ARID5A: variants seen among roughly 807,000 people sequenced by gnomAD.
ARID5A encodes AT-rich interactive domain-containing protein 5A.
Under a neutral mutation model 30.5 loss-of-function variants are expected in ARID5A, and 14 were observed. The observed-to-expected ratio is 0.46, with a 90% CI of 0.30 to 0.72. ARID5A has a LOEUF of 0.72. Among genes scored for constraint, ARID5A ranks in the 30% least tolerant of loss-of-function variants. The pLI is 0.07. For missense variants in ARID5A, 669 were observed against 786.2 expected (o/e 0.85, Z 1.78); for synonymous variants, 338 against 340.4 (o/e 0.99, Z 0.08).
rs1312555205 is a variant in ARID5A, at chr2:96,550,540, G to A, written c.411-34G>A. The A allele has an allele frequency of 6.4e-7, 1 of 1,564,492 alleles. No individual in the cohort carries two copies. Among genetic ancestry groups the A allele is most frequent in the Non-Finnish European group, 8.7e-7 (1 of 1,154,916 alleles). On this transcript the variant is annotated intron_variant, in intron 5 of 6. Coordinates refer to ENST00000357485, the MANE Select transcript of ARID5A (RefSeq NM_212481.3). This position sits in a 1 kb window ranked among gnomAD's most constrained non-coding sequence, Gnocchi z 6.6. ...GAGGCCCAGGGAGGGGATGGGCGCC[G>A]GCCTCCTGGGGGACATGCGTGGTTC...
chr2:96,550,328 C>CG lies in ARID5A; in HGVS notation c.410+47dup. ...CGGGTGCTGGACGCCGCCTACCCTG[C>CG]GGGGCTTTGGCCGACCTTGCCGGGA... On this transcript the variant is annotated intron_variant, in intron 5 of 6. Coordinates refer to ENST00000357485, the MANE Select transcript of ARID5A (RefSeq NM_212481.3). This position sits in a 1 kb window ranked among gnomAD's most constrained non-coding sequence, Gnocchi z 6.6. 7.0e-7 allele frequency: 1 copy of CG among 1,425,198 alleles called. No homozygotes were observed. The highest frequency in any genetic ancestry group is 9.1e-7 in the Non-Finnish European group (1 of 1,097,354). 88.3% of individuals were successfully genotyped at this position (1,425,198 alleles called of 1,614,324 possible).
rs1286743957 is a variant in ARID5A, at chr2:96,549,745, TC to T, written c.260-3del. 2.5e-6 allele frequency: 4 copies of T among 1,613,532 alleles called. No individual in the cohort carries two copies. The highest frequency in any genetic ancestry group is 8.5e-7 in the Non-Finnish European group (1 of 1,179,900). On this transcript the variant is annotated splice_region_variant and splice_polypyrimidine_tract_variant and intron_variant, in intron 3 of 6. Coordinates refer to ENST00000357485, the MANE Select transcript of ARID5A (RefSeq NM_212481.3). This position sits in a 1 kb window ranked among gnomAD's most constrained non-coding sequence, Gnocchi z 6.1. ...GACTGACGGCCAGCCTGCTCTTCTC[TC>T]CCCCAGTTAACCTGTGGAAGATCTA...
chr2:96,537,491 C>T lies in ARID5A; in HGVS notation c.4+661C>T, dbSNP rs1440598179. 1 of 152,488 alleles carries T rather than the reference C, an allele frequency of 6.6e-6. No individual in the cohort carries two copies. Among genetic ancestry groups the T allele is most frequent in the African/African-American group, 2.4e-5 (1 of 41,480 alleles). The allele number at this position is 152,488 out of a possible 1,614,324, so 9.4% of individuals were successfully genotyped here. ...GCCCCTTCCTTCTCTTCCCTTTTCTCTTTTCCTCTCCTGTCTCTCCGCCCA... is the reference window on the plus strand; with the variant it reads ...GCCCCTTCCTTCTCTTCCCTTTTCTTTTTTCCTCTCCTGTCTCTCCGCCCA... On this transcript the variant is annotated intron_variant, in intron 1 of 6. Coordinates refer to ENST00000357485, the MANE Select transcript of ARID5A (RefSeq NM_212481.3). This position sits in a 1 kb window ranked among gnomAD's most constrained non-coding sequence, Gnocchi z 4.8.
rs1558622184 is a variant in ARID5A at position 96,551,612 on chromosome 2, T to G, written c.1084T>G (p.Phe362Val). The change falls in exon 7 of 7, where the codon TTC (phenylalanine) becomes GTC (valine). Residue 362 changes from phenylalanine (F) to valine (V), a missense_variant. Transcript: ENST00000357485. ...GCCTGTCAGCCAGCACCCCAGGGAC[T>G]TCTTCTCTAGACTTAAAGATGGGGT... Reference protein sequence around the residue: ...LKPVSQHPRDFFSRLKDGVLL... With the variant: ...LKPVSQHPRDVFSRLKDGVLL... 6.4e-7 allele frequency: 1 copy of G among 1,555,352 alleles called. No homozygotes were observed. Among genetic ancestry groups the G allele is most frequent in the East Asian group, 2.3e-5 (1 of 44,436 alleles).
At position 96,551,396 on chromosome 2, in the gene ARID5A, C is replaced by A. The variant is rs1477280422; in HGVS notation, c.868C>A (p.Pro290Thr). The change falls in exon 7 of 7, where the codon CCA becomes ACA. Residue 290 changes from proline (P) to threonine (T), a missense_variant. Physicochemically the swap from Pro to Thr is conservative, Grantham distance 38. Coordinates refer to ENST00000357485, the MANE Select transcript of ARID5A (RefSeq NM_212481.3). ...CCATGGGGCAGAGCCCCAGGCGTCC[C>A]CAGCTGTTCACCTCCCAGAGAGTCC... ...CRHGAEPQASPAVHLPESPQS... is the reference protein window; with the variant it reads ...CRHGAEPQASTAVHLPESPQS... The A allele has an allele frequency of 1.9e-6, 3 of 1,609,086 alleles. No individual in the cohort carries two copies. The highest frequency in any genetic ancestry group is 2.5e-6 in the Non-Finnish European group (3 of 1,178,466).
At chr2:96,546,808 C>CTACT (rs139246073) in intron 1 of ARID5A, among the ~76,000 whole-genome samples, 2,683 of 152,312 alleles carry the variant, frequency 0.018, 88 homozygotes, top group African/African-American at 0.061. Flanking sequence ...CCCAGAGGAA[C>CTACT]TACTACCCAG....
chr2:96,550,347 G>A lies in ARID5A; in HGVS notation c.410+62G>A. ...ACCCTGCGGGGCTTTGGCCGACCTT[G>A]CCGGGAGGGCCGGGTGGACTCTGCC... On this transcript the variant is annotated intron_variant, in intron 5 of 6. Transcript: ENST00000357485. The surrounding 1 kb of genome is among the most constrained non-coding windows in gnomAD (Gnocchi z 6.6). The A allele has an allele frequency of 7.0e-7, 1 of 1,423,700 alleles. No individual in the cohort carries two copies. Among genetic ancestry groups the A allele is most frequent in the South Asian group, 1.5e-5 (1 of 66,266 alleles). The allele number at this position is 1,423,700 out of a possible 1,614,324, so 88.2% of individuals were successfully genotyped here. A position where few individuals can be genotyped will look rare whatever the true frequency, so the allele number is the denominator to read the frequency against.
At position 96,550,896 on chromosome 2, in the gene ARID5A, G is replaced by A. The variant is rs928420733; in HGVS notation, c.570+163G>A. On this transcript the variant is annotated intron_variant, in intron 6 of 6. Transcript: ENST00000357485. The surrounding 1 kb of genome is among the most constrained non-coding windows in gnomAD (Gnocchi z 6.6). ...TTCTCCACAGATGGTTGTGCAAGTG[G>A]ACTCTGAACTCCAGCCTGCGCCCAC... 3.3e-5 allele frequency among the ~76,000 whole-genome samples: 5 copies of A among 152,170 alleles called. No homozygotes were observed. Among genetic ancestry groups the A allele is most frequent in the African/African-American group, 1.2e-4 (5 of 41,450 alleles).
chr2:96,551,752 C>A lies in ARID5A; in HGVS notation c.1224C>A (p.Ile408=). The A allele has an allele frequency of 2.0e-6, 3 of 1,526,710 alleles. No individual in the cohort carries two copies. The highest frequency in any genetic ancestry group is 2.6e-6 in the Non-Finnish European group (3 of 1,140,300). The allele number at this position is 1,526,710 out of a possible 1,614,324, so 94.6% of individuals were successfully genotyped here. A position where few individuals can be genotyped will look rare whatever the true frequency, so the allele number is the denominator to read the frequency against. The part of the protein sequence containing the change: ...AFHKGGSRKG[I]LYPKPKACWV... ...ATAAAGGTGGCTCCAGAAAGGGCAT[C>A]CTCTACCCCAAGCCCAAAGCCTGCT... The change falls in exon 7 of 7, where the codon ATC becomes ATA. Residue 408 remains isoleucine (I), a synonymous_variant. Coordinates refer to ENST00000357485, the MANE Select transcript of ARID5A (RefSeq NM_212481.3).
Position 96,550,297 on chromosome 2 carries a change from C to CGGG in ARID5A, c.410+13_410+15dup, listed in dbSNP as rs907106212. The stretch of plus-strand genomic sequence containing the variant: ...CGCCACTACGAGAGGTACGGCGGGG[C>CGGG]GGGCCCGGGTGCTGGACGCCGCCTA... On this transcript the variant is annotated intron_variant, in intron 5 of 6. Coordinates refer to ENST00000357485, the MANE Select transcript of ARID5A (RefSeq NM_212481.3). This position sits in a 1 kb window ranked among gnomAD's most constrained non-coding sequence, Gnocchi z 6.6. The CGGG allele has an allele frequency of 2.8e-6, 4 of 1,436,694 alleles. No homozygotes were observed. The African/African-American group carries it at 5.9e-5, about 21-fold the overall frequency. The allele number at this position is 1,436,694 out of a possible 1,614,324, so 89.0% of individuals were successfully genotyped here.
In ARID5A at chr2:96,547,416, G is replaced by C; in HGVS notation, c.19G>C (p.Gly7Arg). Residue 7 changes from glycine (G) to arginine (R), a missense_variant, in exon 2 of 7, where the codon GGG (glycine) becomes CGG (arginine). Coordinates refer to ENST00000357485, the MANE Select transcript of ARID5A (RefSeq NM_212481.3). ...TCTCCTTGCAGCAGCCCCTGTCAAA[G>C]GGAACAGGAAGCAGTCCACGGAGGG... The part of the protein sequence containing the change: MAAPVK[G>R]NRKQSTEGDA... 6.2e-7 allele frequency: 1 copy of C among 1,613,812 alleles called. No homozygotes were observed. Among genetic ancestry groups the C allele is most frequent in the South Asian group, 1.1e-5 (1 of 91,062 alleles).
rs764212340 is a variant in ARID5A, at chr2:96,550,181, C to T, written c.313-7C>T. On this transcript the variant is annotated splice_region_variant and splice_polypyrimidine_tract_variant and intron_variant, in intron 4 of 6. Coordinates refer to ENST00000357485, the MANE Select transcript of ARID5A (RefSeq NM_212481.3). The surrounding 1 kb of genome is among the most constrained non-coding windows in gnomAD (Gnocchi z 6.6). ...GCCGGCCGCGCCCTCACGAGGTGCC[C>T]TTGCAGGTGACCGGGCGCCGCCTCT... 3 of 1,534,604 alleles carry T rather than the reference C, an allele frequency of 2.0e-6. No individual in the cohort carries two copies. Among genetic ancestry groups the T allele is most frequent in the South Asian group, 1.2e-5 (1 of 83,590 alleles).
At chr2:96,551,005 G>A in intron 6 of ARID5A, 94 bp from the exon 7 acceptor site, 1 of 1,413,828 alleles carries the variant, frequency 7.1e-7, no homozygotes, top group Non-Finnish European at 9.6e-7. Flanking sequence ...GGGCTGGCGG[G>A]GGACCTGGGC....
In ARID5A at chr2:96,550,709, C is replaced by G; in HGVS notation, c.546C>G (p.Ala182=). 5 of 1,587,122 alleles carry G rather than the reference C, an allele frequency of 3.2e-6. No individual in the cohort carries two copies. The highest frequency in any genetic ancestry group is 4.3e-6 in the Non-Finnish European group (5 of 1,167,852). The change falls in exon 6 of 7, where the codon GCC becomes GCG. Residue 182 remains alanine (A), a synonymous_variant. Transcript: ENST00000357485. The surrounding 1 kb of genome is among the most constrained non-coding windows in gnomAD (Gnocchi z 6.6). ...GGGCCACCGAGAGGCCGAAGAAGGC[C>G]AAGGAGGAGCGGCGCATGGACCAGG... ...DDGATERPKK[A]KEERRMDQMM...
In ARID5A at chr2:96,551,927, A is replaced by C. The variant is rs920373074; in HGVS notation, c.1399A>C (p.Lys467Gln). 6.6e-7 allele frequency: 1 copy of C among 1,524,388 alleles called. No homozygotes were observed. 94.4% of individuals were successfully genotyped at this position (1,524,388 alleles called of 1,614,324 possible). ...ACTGCGGGCCGTGTCTCCCTTTCTT[A>C]AGGAGGCGGATGCCAAGAAGTGTGG... ...KRLRAVSPFL[K>Q]EADAKKCGAK... The change falls in exon 7 of 7, where the codon AAG becomes CAG. Residue 467 changes from lysine to glutamine, a missense_variant. Physicochemically the swap from Lys to Gln is moderately conservative, Grantham distance 53 (BLOSUM62 1). This residue lies in a region of ARID5A where 548 missense variants were observed against 577.4 expected (regional missense o/e 0.95). Transcript: ENST00000357485.
In ARID5A at chr2:96,551,251, G is replaced by T; in HGVS notation, c.723G>T (p.Arg241=). 1 of 1,613,918 alleles carries T rather than the reference G, an allele frequency of 6.2e-7. No individual in the cohort carries two copies. Residue 241 remains arginine (R), a synonymous_variant, in exon 7 of 7, where the codon CGG becomes CGT. Transcript: ENST00000357485. ...GASGCPEAYK[R]LLSSFYCKGT... ...GCGGCTGTCCTGAGGCCTACAAGCG[G>T]CTCCTATCCAGCTTCTACTGCAAGG... is the stretch of plus-strand genomic sequence containing the variant.
In ARID5A at chr2:96,552,189, T is replaced by TC; in HGVS notation, c.1667dup (p.Thr557AsnfsTer67). On this transcript the variant is annotated frameshift_variant, in exon 7 of 7. Transcript: ENST00000357485. LOFTEE classifies it high-confidence loss of function. ...CCCATGGCCGCTGGCCTGATGCACT[T>TC]CCCCCCAACGTCCTTCGACAGTGCC... 1.2e-6 allele frequency: 2 copies of TC among 1,613,362 alleles called. No individual in the cohort carries two copies. Among genetic ancestry groups the TC allele is most frequent in the East Asian group, 2.2e-5 (1 of 44,882 alleles).
chr2:96,549,675 C>G lies in ARID5A; in HGVS notation c.260-78C>G. 4 of 1,601,400 alleles carry G rather than the reference C, an allele frequency of 2.5e-6. No homozygotes were observed. The South Asian group carries it at 4.4e-5, about 18-fold the overall frequency. ...GTGTGCTGGTCTGTGCCTGGCCTGT[C>G]AGGGCACCAGGAAGGGGTGGCATGC... On this transcript the variant is annotated intron_variant, in intron 3 of 6. Coordinates refer to ENST00000357485, the MANE Select transcript of ARID5A (RefSeq NM_212481.3). This position sits in a 1 kb window ranked among gnomAD's most constrained non-coding sequence, Gnocchi z 6.1.
At chr2:96,541,586 C>A (rs1156915565) in intron 1 of ARID5A, among the ~76,000 whole-genome samples, 1 of 152,082 alleles carries the variant, frequency 6.6e-6, no homozygotes, top group Non-Finnish European at 1.5e-5. Context: ...TCACTGGGGC[C>A]CCCAACCAAT....
Sources: gnomAD v4.1 joint callset for allele counts (sites outside exome capture counted in the v4.1 genomes callset) on GRCh38, gnomAD v4.1.1 for gene constraint, gnomAD v4.1.1 regional missense constraint, Gnocchi (gnomAD v3.1) non-coding constraint, MANE v1.5 for transcripts, NCBI Gene and HGNC (gene_info 2026-07-23, HGNC 2026-07-21) for gene names.